The following KCNT2 variants were observed in gnomAD, a reference collection of about 807,000 sequenced individuals.
KCNT2 encodes potassium channel subfamily T member 2.
In KCNT2, 67 loss-of-function variants were observed where a neutral mutation model predicts 153.8. That is an observed-to-expected ratio of 0.44 (90% CI 0.36 to 0.53). The LOEUF is 0.53. KCNT2 is among the 20% of genes least tolerant of loss of function. The pLI is 0.00. For synonymous variants in KCNT2, 500 were observed against 458.8 expected (o/e 1.09, Z -1.15); for missense variants, 975 against 1,354.8 (o/e 0.72, Z 4.40).
intron 8 of KCNT2, among the ~76,000 whole-genome samples, chr1:196,448,000 CTA>C (rs2148609815): frequency 6.6e-6 from 1 of 151,612 alleles, no homozygotes; most frequent in Non-Finnish European, 1.5e-5. Flanking sequence ...TTCCACTGCT[CTA>C]TGTTTTCTAA....
At chr1:196,605,934 T>C (rs1665267666) in intron 1 of KCNT2, among the ~76,000 whole-genome samples, 1 of 152,146 alleles carries the variant, frequency 6.6e-6, no homozygotes, top group African/African-American at 2.4e-5. Context: ...CTTGAGGGAT[T>C]TGAATAATAA....
intron 1 of KCNT2, among the ~76,000 whole-genome samples, chr1:196,544,571 G>T (rs916586548): frequency 6.6e-6 from 1 of 151,976 alleles, no homozygotes; most frequent in Admixed American, 6.6e-5. Flanking sequence ...CTCGTAAATG[G>T]GATTGCATTT....
chr1:196,546,669 C>T (rs1338629729), intron 1 of KCNT2, among the ~76,000 whole-genome samples: 1 of 151,930 alleles, frequency 6.6e-6, no homozygotes, highest in Non-Finnish European at 1.5e-5. Flanking sequence ...GTTACAAAAC[C>T]TATTCTACTG....
chr1:196,258,266 A>T lies in KCNT2; in HGVS notation c.3139T>A (p.Ser1047Thr), dbSNP rs779576230. 1 of 1,613,570 alleles carries T rather than the reference A, an allele frequency of 6.2e-7. No individual in the cohort carries two copies. Among genetic ancestry groups the T allele is most frequent in the East Asian group, 2.2e-5 (1 of 44,870 alleles). ...AGTTCAGCAAGCTCTTGTCTTTCTG[A>T]CCTCCTGTAGAGGTTCAGTCGCTGC... ...TQQRLNLYRR[S>T]ERQELAELVK... Residue 1047 changes from serine to threonine, a missense_variant, in exon 26 of 28, where the codon TCA (serine) becomes ACA (threonine). Ser to Thr is a moderately conservative substitution (Grantham distance 58). Around this residue, in one of 6 missense-constraint regions of KCNT2, gnomAD observed 241 missense variants for 271.1 expected, o/e 0.89. Transcript: ENST00000294725.
chr1:196,291,519 T>G (rs1327543092), intron 22 of KCNT2, among the ~76,000 whole-genome samples: 2 of 152,096 alleles, frequency 1.3e-5, no homozygotes, highest in African/African-American at 4.8e-5. Flanking sequence ...CACTTTATCA[T>G]GCTGAATTTA....
chr1:196,366,704 A>T (rs1308966285), intron 14 of KCNT2, among the ~76,000 whole-genome samples: 1 of 151,930 alleles, frequency 6.6e-6, no homozygotes, highest in Non-Finnish European at 1.5e-5. Context: ...TCTCCATAGC[A>T]CTACTGCCAG....
intron 1 of KCNT2, among the ~76,000 whole-genome samples, chr1:196,506,154 T>C (rs1466603044): frequency 1.3e-5 from 2 of 152,146 alleles, no homozygotes; most frequent in African/African-American, 4.8e-5. Context: ...GTGTAAGAGC[T>C]AAAGAAGATG....
intron 1 of KCNT2, among the ~76,000 whole-genome samples, chr1:196,538,514 C>G (rs1455165006): frequency 2.0e-5 from 3 of 152,188 alleles, no homozygotes; most frequent in Non-Finnish European, 2.9e-5. Context: ...GAGCCACAAG[C>G]TGTATGTACA....
intron 8 of KCNT2, among the ~76,000 whole-genome samples, chr1:196,433,531 C>T (rs542258916): frequency 6.6e-6 from 1 of 151,882 alleles, no homozygotes; most frequent in Admixed American, 6.6e-5. Context: ...ATGTATATAA[C>T]TTTGAATATA....
intron 25 of KCNT2, among the ~76,000 whole-genome samples, chr1:196,267,902 C>T (rs1260898459): frequency 1.3e-5 from 2 of 152,124 alleles, no homozygotes; most frequent in Admixed American, 6.6e-5. Context: ...TGCCATGGTA[C>T]TTGAGCATGT....
chr1:196,561,684 G>GAAGAAGA lies in KCNT2; in HGVS notation c.95+46530_95+46531insTCTTCTT, dbSNP rs1553254857. ...AAAAAAAAAAAAAAAAAAAGAAGAA[G>GAAGAAGA]AAGAAAGAATAGAAGAACAGAAATG... On this transcript the variant is annotated intron_variant, in intron 1 of 27. Transcript: ENST00000294725. 9.0e-4 allele frequency among the ~76,000 whole-genome samples: 85 copies of GAAGAAGA among 93,990 alleles called. 3 individuals are homozygous for GAAGAAGA. The highest frequency in any genetic ancestry group is 1.2e-3 in the Non-Finnish European group (55 of 47,384). 61.7% of individuals were successfully genotyped at this position (93,990 alleles called of 152,430 possible).
At chr1:196,454,181 A>G (rs1676456111) in intron 8 of KCNT2, among the ~76,000 whole-genome samples, 1 of 151,996 alleles carries the variant, frequency 6.6e-6, no homozygotes, top group Non-Finnish European at 1.5e-5. Context: ...TATAGCAGAT[A>G]CAACGATTGT....
intron 1 of KCNT2, among the ~76,000 whole-genome samples, chr1:196,516,663 C>A (rs901217624): frequency 6.6e-6 from 1 of 152,154 alleles, no homozygotes; most frequent in African/African-American, 2.4e-5. Flanking sequence ...GGTCCCTGAT[C>A]TTATCCTCCT....
intron 1 of KCNT2, among the ~76,000 whole-genome samples, chr1:196,573,409 C>A (rs768450335): frequency 2.0e-5 from 3 of 151,990 alleles, no homozygotes; most frequent in Non-Finnish European, 4.4e-5. Context: ...ATTTATCCAG[C>A]ACTACATTTA....
chr1:196,506,622 A>T (rs1465240429), intron 1 of KCNT2, among the ~76,000 whole-genome samples: 1 of 152,070 alleles, frequency 6.6e-6, no homozygotes, highest in African/African-American at 2.4e-5. Context: ...TACCATTCTA[A>T]ATCAGTTTTC....
At chr1:196,395,541 G>A (rs1267900077) in intron 13 of KCNT2, among the ~76,000 whole-genome samples, 2 of 151,408 alleles carry the variant, frequency 1.3e-5, no homozygotes, top group East Asian at 2.0e-4. Context: ...ATACTTCCAA[G>A]TATCCTTTTT....
At chr1:196,457,382 T>G (rs1373836340) in intron 8 of KCNT2, among the ~76,000 whole-genome samples, 4 of 151,802 alleles carry the variant, frequency 2.6e-5, no homozygotes, top group African/African-American at 7.2e-5. Context: ...TAAACTGAAC[T>G]TAGAGCAGTT....
chr1:196,375,762 G>C (rs1337706418), intron 13 of KCNT2, among the ~76,000 whole-genome samples: 1 of 151,530 alleles, frequency 6.6e-6, no homozygotes, highest in Non-Finnish European at 1.5e-5. Flanking sequence ...TAAAAAGAGA[G>C]TACTGGATCA....
At chr1:196,238,311 T>C (rs1436791884) in intron 26 of KCNT2, among the ~76,000 whole-genome samples, 1 of 151,926 alleles carries the variant, frequency 6.6e-6, no homozygotes, top group Non-Finnish European at 1.5e-5. Context: ...GGAGATATGA[T>C]TTTTGTGCCA....
Sources: gnomAD v4.1 joint callset for allele counts (sites outside exome capture counted in the v4.1 genomes callset) on GRCh38, gnomAD v4.1.1 for gene constraint, gnomAD v4.1.1 regional missense constraint, MANE v1.5 for transcripts, NCBI Gene and HGNC (gene_info 2026-07-23, HGNC 2026-07-21) for gene names.